GPRC6A: variants seen among roughly 807,000 people sequenced by gnomAD.
The protein encoded by GPRC6A is G protein-coupled receptor class C group 6 member A.
In GPRC6A, 54 loss-of-function variants were observed where a neutral mutation model predicts 47.0. That is an observed-to-expected ratio of 1.15 (90% confidence interval 0.92 to 1.44). GPRC6A has a LOEUF of 1.44. Ranked by LOEUF, GPRC6A falls within the 40% of genes most tolerant of loss-of-function variation. The pLI is 0.00. For synonymous variants in GPRC6A, 347 were observed against 377.1 expected (o/e 0.92, Z 0.93); for missense variants, 1,112 against 1,105.5 (o/e 1.01, Z -0.08).
At chr6:116,825,939 A>C (rs1156893199) in intron 1 of GPRC6A, among the ~76,000 whole-genome samples, 1 of 151,984 alleles carries the variant, frequency 6.6e-6, no homozygotes, top group Non-Finnish European at 1.5e-5. Flanking sequence ...CCAAGAACCT[A>C]TTCAGGGGAA....
At chr6:116,803,380 G>T (rs1435726052) in intron 3 of GPRC6A, among the ~76,000 whole-genome samples, 1 of 152,048 alleles carries the variant, frequency 6.6e-6, no homozygotes, top group Admixed American at 6.6e-5. Flanking sequence ...GCCTGAAAAT[G>T]TCTTTAATTA....
At chr6:116,802,903 C>T (rs1157032358) in intron 3 of GPRC6A, among the ~76,000 whole-genome samples, 1 of 152,038 alleles carries the variant, frequency 6.6e-6, no homozygotes, top group Non-Finnish European at 1.5e-5. Context: ...TACCTAGAAC[C>T]ATATGTTTTA....
At chr6:116,816,560 C>T (rs565742221) in intron 1 of GPRC6A, among the ~76,000 whole-genome samples, 21 of 152,348 alleles carry the variant, frequency 1.4e-4, no homozygotes, top group East Asian at 3.9e-4. Flanking sequence ...GGAACAGCTC[C>T]GGTCTACAGC....
intron 1 of GPRC6A, among the ~76,000 whole-genome samples, chr6:116,813,122 T>C (rs191542248): frequency 6.6e-6 from 1 of 152,226 alleles, no homozygotes; most frequent in East Asian, 1.9e-4. Flanking sequence ...CACAAACAAA[T>C]GGAAGAATAT....
At chr6:116,815,393 G>C (rs953969771) in intron 1 of GPRC6A, among the ~76,000 whole-genome samples, 2 of 152,192 alleles carry the variant, frequency 1.3e-5, no homozygotes, top group African/African-American at 4.8e-5. Flanking sequence ...TGAGGTGGAA[G>C]GATCGCTTGA....
In GPRC6A at chr6:116,800,589, G is replaced by T; in HGVS notation, c.1543C>A (p.Leu515Ile). ...ACGGCCTACAACAAGGTTACCTTAA[G>T]ATTCCTGAACTCATTTTTTGTTTCC... ...DQETKNEFRN[L>I]KQIQSKCSKE... is the part of the protein sequence containing the mutation. Residue 515 changes from leucine (L) to isoleucine (I), a missense_variant, in exon 4 of 6, where the codon CTT becomes ATT. Coordinates refer to ENST00000310357, the MANE Select transcript of GPRC6A (RefSeq NM_148963.4). The T allele has an allele frequency of 6.2e-7, 1 of 1,610,280 alleles. No individual in the cohort carries two copies.
At chr6:116,802,191 A>G (rs1255792033) in intron 3 of GPRC6A, among the ~76,000 whole-genome samples, 1 of 152,162 alleles carries the variant, frequency 6.6e-6, no homozygotes, top group Non-Finnish European at 1.5e-5. Context: ...AACTTCCACA[A>G]TTTTATGCTT....
chr6:116,804,566 AG>A (rs1772781052), intron 3 of GPRC6A, among the ~76,000 whole-genome samples: 1 of 152,046 alleles, frequency 6.6e-6, no homozygotes, highest in African/African-American at 2.4e-5. Context: ...TCTTGATCAA[AG>A]GAGCAAGTCA....
rs1306288780 is a variant in GPRC6A at position 116,792,681 on chromosome 6, A to C, written c.2242T>G (p.Ser748Ala). Residue 748 changes from serine to alanine, a missense_variant, in exon 6 of 6, where the codon TCC becomes GCC. Transcript: ENST00000310357. ...AGCATGGTGCCAAATGCAAGTATGG[A>C]TCCCTCCTCACACTCCAGGATGATG... is the stretch of plus-strand genomic sequence containing the variant. ...RVIILECEEGSILAFGTMLGY... is the reference protein window; with the variant it reads ...RVIILECEEGAILAFGTMLGY... 1 of 1,613,430 alleles carries C rather than the reference A, an allele frequency of 6.2e-7. No homozygotes were observed. Among genetic ancestry groups the C allele is most frequent in the Non-Finnish European group, 8.5e-7 (1 of 1,179,514 alleles).
chr6:116,796,179 G>A, intron 4 of GPRC6A, among the ~76,000 whole-genome samples: 1 of 151,832 alleles, frequency 6.6e-6, no homozygotes, highest in East Asian at 1.9e-4. Context: ...TGAATGAAGG[G>A]TTCCACTAGA....
At chr6:116,826,530 CAAAACA>C (rs773104735) in intron 1 of GPRC6A, among the ~76,000 whole-genome samples, 3 of 151,368 alleles carry the variant, frequency 2.0e-5, no homozygotes, top group African/African-American at 4.8e-5. Flanking sequence ...AAGACAAAAA[CAAAACA>C]AAAACAAAAA....
intron 1 of GPRC6A, among the ~76,000 whole-genome samples, chr6:116,825,175 C>A (rs1773639899): frequency 6.6e-6 from 1 of 152,022 alleles, no homozygotes. Context: ...AGAAGTGGAG[C>A]AAGACAAGGA....
chr6:116,806,149 C>G lies in GPRC6A; in HGVS notation c.1335+221G>C, dbSNP rs9374623. Reference sequence around the variant, plus strand: ...TTTCATGAGAAATAAAAGAATACAACTTTGGTAGGTCAGAGTAGGAAGTGA... The same window carrying G: ...TTTCATGAGAAATAAAAGAATACAAGTTTGGTAGGTCAGAGTAGGAAGTGA... On this transcript the variant is annotated intron_variant, in intron 3 of 5. Transcript: ENST00000310357. Among the ~76,000 whole-genome samples the G allele has an allele frequency of 5.8e-3, 879 of 151,932 alleles. 12 individuals are homozygous for G. Among genetic ancestry groups the G allele is most frequent in the African/African-American group, 0.02 (829 of 41,454 alleles).
At position 116,800,765 on chromosome 6, in the gene GPRC6A, G is replaced by C; in HGVS notation, c.1367C>G (p.Thr456Ser). 2 of 1,609,216 alleles carry C rather than the reference G, an allele frequency of 1.2e-6. No homozygotes were observed. The highest frequency in any genetic ancestry group is 1.7e-6 in the Non-Finnish European group (2 of 1,176,698). ...LLGVLKNVTF[T>S]DGWNSFHFDA... is the part of the protein sequence containing the mutation. Reference sequence around the variant, plus strand: ...AAAATGAAATGAATTCCATCCATCAGTGAATGTCACATTTTTTAGCACACC... The same window carrying C: ...AAAATGAAATGAATTCCATCCATCACTGAATGTCACATTTTTTAGCACACC... The change falls in exon 4 of 6, where the codon ACT (threonine) becomes AGT (serine). Residue 456 changes from threonine to serine, a missense_variant. By Grantham distance (58) the Thr-to-Ser change is moderately conservative. Transcript: ENST00000310357.
At chr6:116,803,223 T>C (rs1772731992) in intron 3 of GPRC6A, among the ~76,000 whole-genome samples, 3 of 152,172 alleles carry the variant, frequency 2.0e-5, no homozygotes, top group Middle Eastern at 3.4e-3. Flanking sequence ...CTCTTAAATA[T>C]CCATATATAC....
chr6:116,820,903 A>C (rs1457145872), intron 1 of GPRC6A, among the ~76,000 whole-genome samples: 1 of 152,056 alleles, frequency 6.6e-6, no homozygotes, highest in Non-Finnish European at 1.5e-5. Flanking sequence ...CAATTAGGAA[A>C]AGAGGAAATC....
At chr6:116,809,284 AG>A (rs1168302550) in intron 2 of GPRC6A, 29 bp downstream of exon 2, 1 of 1,569,046 alleles carries the variant, frequency 6.4e-7, no homozygotes, top group Admixed American at 1.7e-5. Context: ...TGTGATCAAA[AG>A]CAATGTTTGG....
At chr6:116,813,601 G>A (rs1012366013) in intron 1 of GPRC6A, among the ~76,000 whole-genome samples, 2 of 151,976 alleles carry the variant, frequency 1.3e-5, no homozygotes, top group African/African-American at 4.8e-5. Context: ...TTATACAAAA[G>A]TTAATTCAAG....
intron 1 of GPRC6A, among the ~76,000 whole-genome samples, chr6:116,811,817 A>G (rs535108918): frequency 9.2e-4 from 140 of 152,098 alleles, no homozygotes; most frequent in Non-Finnish European, 1.4e-3. Context: ...TAACCCAGCC[A>G]TGAAAATATA....
Sources: gnomAD v4.1 joint callset for allele counts (sites outside exome capture counted in the v4.1 genomes callset) on GRCh38, gnomAD v4.1.1 for gene constraint, MANE v1.5 for transcripts, NCBI Gene and HGNC (gene_info 2026-07-23, HGNC 2026-07-21) for gene names.